Variants in COL24A1 observed in about 807,000 individuals in gnomAD.
The protein encoded by COL24A1 is collagen type XXIV alpha 1 chain, also known as collagen alpha-1(XXIV) chain.
In COL24A1, 224 loss-of-function variants were observed where a neutral mutation model predicts 253.9. The ratio of observed to expected loss-of-function variants is 0.88; its 90% confidence interval spans 0.79 to 0.99. The LOEUF (loss-of-function observed/expected upper bound fraction) is 0.99. Among genes scored for constraint, COL24A1 ranks in the 50% least tolerant of loss-of-function variants. The probability of loss-of-function intolerance (pLI) is 0.00; values close to 1 mark genes in which losing one functional copy is unlikely to be tolerated. For synonymous variants in COL24A1, 685 were observed against 673.7 expected, an observed-to-expected ratio of 1.02 and a Z score of -0.26; for missense variants, 2,131 against 2,068.5, an observed-to-expected ratio of 1.03 and a Z score of -0.59.
intron 24 of COL24A1, among the ~76,000 whole-genome samples, chr1:85,941,611 C>A (rs114224395): frequency 2.2e-5 from 3 of 134,178 alleles, no homozygotes; most frequent in East Asian, 4.4e-4. Flanking sequence ...CAGGTAAGAA[C>A]GAGACATGTA....
At chr1:86,064,889 T>C (rs1367293960) in intron 7 of COL24A1, among the ~76,000 whole-genome samples, 5 of 152,246 alleles carry the variant, frequency 3.3e-5, no homozygotes, top group African/African-American at 4.8e-5. Context: ...ACAGTTTAAC[T>C]GTTTTTACAT....
At chr1:85,780,787 T>G (rs1383540184) in intron 52 of COL24A1, among the ~76,000 whole-genome samples, 1 of 152,214 alleles carries the variant, frequency 6.6e-6, no homozygotes, top group Non-Finnish European at 1.5e-5. Context: ...TCTCAAAGAT[T>G]ACTGTTGACT....
At chr1:85,875,770 G>A (rs977841857) in intron 33 of COL24A1, among the ~76,000 whole-genome samples, 5 of 136,628 alleles carry the variant, frequency 3.7e-5, no homozygotes, top group Admixed American at 2.2e-4. Flanking sequence ...CACACACAGA[G>A]CTTCTTTTCC....
chr1:85,928,749 T>C lies in COL24A1; in HGVS notation c.2563-17316A>G, dbSNP rs372599065. Reference sequence around the variant, plus strand: ...AGCGGATCTCTTGGCAGAAACTCTATAAGCCAGAAGAGAGTGGGGGCCAAT... The same window carrying C: ...AGCGGATCTCTTGGCAGAAACTCTACAAGCCAGAAGAGAGTGGGGGCCAAT... On this transcript the variant is annotated intron_variant, in intron 24 of 59. Transcript: ENST00000370571. 2.7e-3 allele frequency among the ~76,000 whole-genome samples: 164 copies of C among 60,000 alleles called. 51 individuals are homozygous for C. Among genetic ancestry groups the C allele is most frequent in the African/African-American group, 8.7e-3 (127 of 14,574 alleles). The allele number at this position is 60,000 out of a possible 152,430, so 39.4% of individuals were successfully genotyped here. A position where few individuals can be genotyped will look rare whatever the true frequency, so the allele number is the denominator to read the frequency against.
Position 85,927,452 on chromosome 1 carries a change from T to C in COL24A1, c.2563-16019A>G, listed in dbSNP as rs1281635844. On this transcript the variant is annotated intron_variant, in intron 24 of 59. Transcript: ENST00000370571. The stretch of plus-strand genomic sequence containing the variant: ...TCCTACGCCCACGGAATCTCACTGA[T>C]TGCTAGCACAGCAGTCTGAGATCAA... Among the ~76,000 whole-genome samples, 3 of 131,462 alleles carry C rather than the reference T, an allele frequency of 2.3e-5. No individual in the cohort carries two copies. The Admixed American group carries it at 2.4e-4, about 11-fold the overall frequency. The allele number at this position is 131,462 out of a possible 152,430, so 86.2% of individuals were successfully genotyped here.
At chr1:85,904,295 G>T (rs1440164035) in intron 28 of COL24A1, among the ~76,000 whole-genome samples, 4 of 152,092 alleles carry the variant, frequency 2.6e-5, no homozygotes, top group Non-Finnish European at 5.9e-5. Context: ...CAAGAAAAAA[G>T]ATGAGGTTAA....
At position 86,089,185 on chromosome 1, in the gene COL24A1, G is replaced by A; in HGVS notation, c.1696C>T (p.Gln566Ter). Residue 566 changes from glutamine to a stop codon, truncating the protein, a stop_gained, in exon 7 of 60, where the codon CAA (glutamine) becomes TAA (stop). Coordinates refer to ENST00000370571, the MANE Select transcript of COL24A1 (RefSeq NM_152890.7). LOFTEE classifies it high-confidence loss of function. ...AAATTCCAACTTACCTTATCACCTT[G>A]CATACCAGGGGGGCCCATTAATCCA... Reference protein sequence around the residue: ...LSGLMGPPGMQGDKGLKGHPG... With the variant: ...LSGLMGPPGM 3 of 1,580,994 alleles carry A rather than the reference G, an allele frequency of 1.9e-6. No homozygotes were observed. The highest frequency in any genetic ancestry group is 2.6e-6 in the Non-Finnish European group (3 of 1,171,188).
chr1:86,131,470 G>A (rs542325511), intron 2 of COL24A1, among the ~76,000 whole-genome samples: 2 of 151,650 alleles, frequency 1.3e-5, no homozygotes, highest in South Asian at 2.1e-4. Context: ...CCATTAACTC[G>A]TCATTAACAT....
At chr1:85,841,581 A>C (rs112420456) in intron 41 of COL24A1, among the ~76,000 whole-genome samples, 1,678 of 152,242 alleles carry the variant, frequency 0.011, 31 homozygotes, top group African/African-American at 0.039. Flanking sequence ...TTCCTAAATC[A>C]TCAAAAAATT....
At position 86,073,297 on chromosome 1, in the gene COL24A1, G is replaced by C. The variant is rs190240505; in HGVS notation, c.1708-9538C>G. 1.5e-4 allele frequency among the ~76,000 whole-genome samples: 23 copies of C among 152,252 alleles called. No homozygotes were observed. The East Asian group carries it at 4.1e-3, about 27-fold the overall frequency. On this transcript the variant is annotated intron_variant, in intron 7 of 59. Coordinates refer to ENST00000370571, the MANE Select transcript of COL24A1 (RefSeq NM_152890.7). ...AGAACATAAATGACCTGATGGAGCTGAAAAACACAGCACAAGAACTTGGTG... is the reference window on the plus strand; with the variant it reads ...AGAACATAAATGACCTGATGGAGCTCAAAAACACAGCACAAGAACTTGGTG...
At position 86,097,791 on chromosome 1, in the gene COL24A1, T is replaced by A. The variant is rs376922185; in HGVS notation, c.1600-5471A>T. The stretch of plus-strand genomic sequence containing the variant: ...CCTAGATGATCTCATGAACTCTATA[T>A]CTTTAAATTCCACATATACACTGAT... On this transcript the variant is annotated intron_variant, in intron 5 of 59. Transcript: ENST00000370571. Among the ~76,000 whole-genome samples the A allele has an allele frequency of 4.2e-4, 64 of 152,018 alleles. 2 individuals are homozygous for A. In the East Asian group the frequency reaches 0.012, roughly 29 times the overall value.
At chr1:85,972,690 A>C (rs564763100) in intron 20 of COL24A1, among the ~76,000 whole-genome samples, 1 of 152,324 alleles carries the variant, frequency 6.6e-6, no homozygotes, top group Admixed American at 6.5e-5. Flanking sequence ...AACTGTGAAC[A>C]TGTGACAGAC....
chr1:85,911,946 T>C (rs1444949748), intron 24 of COL24A1, among the ~76,000 whole-genome samples: 1 of 152,142 alleles, frequency 6.6e-6, no homozygotes, highest in Non-Finnish European at 1.5e-5. Context: ...ATCTAGACCC[T>C]GCCCTCTTGA....
At position 85,997,655 on chromosome 1, in the gene COL24A1, C is replaced by T. The variant is rs916144601; in HGVS notation, c.2311-10001G>A. ...AAAATTAGCTGGGTGCGGTGACATG[C>T]GCCTGTAGTCCCAACTACTCAGAGG... On this transcript the variant is annotated intron_variant, in intron 19 of 59. Transcript: ENST00000370571. 5.9e-5 allele frequency among the ~76,000 whole-genome samples: 9 copies of T among 151,726 alleles called. No individual in the cohort carries two copies. In the South Asian group the frequency reaches 1.0e-3, roughly 18 times the overall value.
At chr1:85,862,793 AATTCCCAACTGATTGTTTCCAAGG>A (rs2102457563) in intron 37 of COL24A1, among the ~76,000 whole-genome samples, 1 of 152,288 alleles carries the variant, frequency 6.6e-6, no homozygotes, top group Non-Finnish European at 1.5e-5. Flanking sequence ...GCTGACCCTA[AATTCCCAACTGATTGTTTCCAAGG>A]AAACTATGTT....
intron 47 of COL24A1, among the ~76,000 whole-genome samples, chr1:85,788,147 G>T (rs11590890): frequency 6.6e-6 from 1 of 151,856 alleles, no homozygotes; most frequent in Non-Finnish European, 1.5e-5. Flanking sequence ...CTGGAGTGCA[G>T]TGGTGCGATC....
At position 85,841,233 on chromosome 1, in the gene COL24A1, G is replaced by C; in HGVS notation, c.3616C>G (p.Arg1206Gly). Residue 1206 changes from arginine (R) to glycine (G), a missense_variant, in exon 42 of 60, where the codon CGA (arginine) becomes GGA (glycine). Coordinates refer to ENST00000370571, the MANE Select transcript of COL24A1 (RefSeq NM_152890.7). ...AGAAAAAGACCTACTGGTTCACCTCGAGGCCCAGGTGGTCCTAGGACTGTG... is the reference window on the plus strand; with the variant it reads ...AGAAAAAGACCTACTGGTTCACCTCCAGGCCCAGGTGGTCCTAGGACTGTG... ...DSTVLGPPGP[R>G]GEPGPVGDQG... The C allele has an allele frequency of 6.2e-7, 1 of 1,602,952 alleles. No homozygotes were observed.
At chr1:85,795,287 A>AG (rs1361570843) in intron 47 of COL24A1, among the ~76,000 whole-genome samples, 2 of 152,168 alleles carry the variant, frequency 1.3e-5, no homozygotes, top group African/African-American at 4.8e-5. Context: ...AAAGATACAG[A>AG]GACAAATTTT....
At chr1:85,803,172 G>A (rs1183394759) in intron 47 of COL24A1, among the ~76,000 whole-genome samples, 4 of 152,084 alleles carry the variant, frequency 2.6e-5, no homozygotes, top group Non-Finnish European at 4.4e-5. Context: ...TATAGAGGCT[G>A]GGTGCAGTGG....
Sources: allele counts gnomAD v4.1 joint callset (sites outside exome capture counted in the v4.1 genomes callset), GRCh38; gene constraint gnomAD v4.1.1; transcripts MANE v1.5; gene names NCBI Gene and HGNC (gene_info 2026-07-23, HGNC 2026-07-21).